The following SLC25A17 variants were observed in gnomAD, a reference collection of about 807,000 sequenced individuals.
SLC25A17 encodes the protein peroxisomal membrane protein PMP34.
A neutral mutation model predicts 38.5 loss-of-function variants in SLC25A17; 26 were observed. The observed-to-expected ratio is 0.68, with a 90% CI of 0.50 to 0.94. The LOEUF (loss-of-function observed/expected upper bound fraction) is 0.94, where lower values mean the gene tolerates loss of function less well. Ranked by LOEUF, SLC25A17 falls within the 40% of genes least tolerant of loss-of-function variation. SLC25A17 has a pLI of 0.00. For missense variants in SLC25A17, 333 were observed against 372.7 expected, an observed-to-expected ratio of 0.89 and a Z score of 0.88; for synonymous variants, 139 against 136.2, an observed-to-expected ratio of 1.02 and a Z score of -0.14.
Position 40,819,188 on chromosome 22 carries a change from G to A in SLC25A17, c.54+7C>T. ...GTTGCGGCCCGGGCGTAAAGACCCC[G>A]TCTCACCACGGCTCCGGCCACGGCG... On this transcript the variant is annotated splice_region_variant and intron_variant, in intron 1 of 8. Transcript: ENST00000435456. The A allele has an allele frequency of 6.2e-7, 1 of 1,613,414 alleles. No homozygotes were observed. The highest frequency in any genetic ancestry group is 8.5e-7 in the Non-Finnish European group (1 of 1,179,964).
intron 1 of SLC25A17, among the ~76,000 whole-genome samples, chr22:40,807,138 A>C (rs1035562325): frequency 6.6e-6 from 1 of 152,202 alleles, no homozygotes; most frequent in African/African-American, 2.4e-5. Context: ...TTATCTATTC[A>C]AAATGTTTTG....
chr22:40,779,266 T>G, intron 4 of SLC25A17, 141 bp from the exon 5 acceptor site: 2 of 1,518,956 alleles, frequency 1.3e-6, no homozygotes, highest in Non-Finnish European at 1.8e-6. Flanking sequence ...TGTCTCTTTG[T>G]GCCAGGGTAC....
chr22:40,803,404 G>A (rs1348737300), intron 1 of SLC25A17, among the ~76,000 whole-genome samples: 1 of 152,116 alleles, frequency 6.6e-6, no homozygotes, highest in African/African-American at 2.4e-5. Context: ...AAGATCATGT[G>A]ATGTTTGTTC....
rs1419746046 is a variant in SLC25A17 at position 40,789,752 on chromosome 22, C to A, written c.334+2773G>T. Among the ~76,000 whole-genome samples the A allele has an allele frequency of 6.6e-6, 1 of 151,944 alleles. No homozygotes were observed. The highest frequency in any genetic ancestry group is 1.5e-5 in the Non-Finnish European group (1 of 68,014). On this transcript the variant is annotated intron_variant, in intron 4 of 8. Coordinates refer to ENST00000435456, the MANE Select transcript of SLC25A17 (RefSeq NM_006358.4). This position sits in a 1 kb window ranked among gnomAD's most constrained non-coding sequence, Gnocchi z 4.5. ...CGAACTCCTGACCTCAGGTGATACA[C>A]CCGCCTCAGCCTCTCAAAGTGCTGG...
chr22:40,814,793 T>TATA (rs1568991030), intron 1 of SLC25A17, among the ~76,000 whole-genome samples: 2 of 134,438 alleles, frequency 1.5e-5, no homozygotes, highest in African/African-American at 5.7e-5. Context: ...ATATATATTG[T>TATA]TGTTGTTGTT....
At chr22:40,798,844 G>A (rs1402481244) in intron 2 of SLC25A17, among the ~76,000 whole-genome samples, 179 bp downstream of exon 2, 3 of 151,356 alleles carry the variant, frequency 2.0e-5, no homozygotes, top group Admixed American at 6.6e-5. Context: ...TTGGGAGGCG[G>A]AGGCAGGAGA....
chr22:40,795,792 T>C (rs1682809243), intron 2 of SLC25A17, among the ~76,000 whole-genome samples: 1 of 151,512 alleles, frequency 6.6e-6, no homozygotes, highest in Admixed American at 6.6e-5. Context: ...AAGTTTCTTT[T>C]TTCTTTTTTT....
At chr22:40,812,998 C>T (rs1159937441) in intron 1 of SLC25A17, among the ~76,000 whole-genome samples, 1 of 152,176 alleles carries the variant, frequency 6.6e-6, no homozygotes, top group Non-Finnish European at 1.5e-5. Flanking sequence ...TTCACCTCAT[C>T]AGAGTTAATG....
At chr22:40,771,046 T>G in intron 8 of SLC25A17, 65 bp from the exon 9 acceptor site, 1 of 1,354,524 alleles carries the variant, frequency 7.4e-7, no homozygotes, top group Admixed American at 2.3e-5. Flanking sequence ...GCTACCTAGA[T>G]AGCTACTTTG....
At chr22:40,788,551 C>T (rs2057357924) in intron 4 of SLC25A17, among the ~76,000 whole-genome samples, 2 of 152,028 alleles carry the variant, frequency 1.3e-5, no homozygotes. Flanking sequence ...ATTAGCCAGG[C>T]GTGGTGGTGT....
intron 8 of SLC25A17, among the ~76,000 whole-genome samples, chr22:40,773,358 G>A (rs529451949): frequency 4.0e-5 from 6 of 149,442 alleles, no homozygotes; most frequent in South Asian, 2.1e-4. Flanking sequence ...TGCCGTGAGC[G>A]GAGATAGCGC....
intron 4 of SLC25A17, among the ~76,000 whole-genome samples, chr22:40,782,074 G>T (rs1193501575): frequency 6.6e-6 from 1 of 152,112 alleles, no homozygotes. Flanking sequence ...ACAAAAATTA[G>T]CCAGGCACGG....
In SLC25A17 at chr22:40,770,941, T is replaced by G; in HGVS notation, c.817A>C (p.Lys273Gln). The change falls in exon 9 of 9, where the codon AAA (lysine) becomes CAA (glutamine). Residue 273 changes from lysine to glutamine, a missense_variant. Coordinates refer to ENST00000435456, the MANE Select transcript of SLC25A17 (RefSeq NM_006358.4). The stretch of plus-strand genomic sequence containing the variant: ...GCAGTGAGGACTGTCTGCAGCAGTT[T>G]GGCTTCAAGGCCTTTGTAGAGTCCC... ...IMGLYKGLEA[K>Q]LLQTVLTAAL... 1 of 1,611,802 alleles carries G rather than the reference T, an allele frequency of 6.2e-7. No individual in the cohort carries two copies. The highest frequency in any genetic ancestry group is 1.1e-5 in the South Asian group (1 of 90,848).
chr22:40,770,966 C>T lies in SLC25A17; in HGVS notation c.792G>A (p.Met264Ile). The T allele has an allele frequency of 1.3e-6, 2 of 1,594,460 alleles. No individual in the cohort carries two copies. The highest frequency in any genetic ancestry group is 3.5e-5 in the Admixed American group (2 of 57,692). ...TGGCTTCAAGGCCTTTGTAGAGTCC[C>T]ATTATTCCAAAACGTCTAAAGGGAA... ...LHQRVRRFGI[M>I]GLYKGLEAKL... The change falls in exon 9 of 9, where the codon ATG (methionine) becomes ATA (isoleucine). Residue 264 changes from methionine to isoleucine, a missense_variant. Met to Ile is a conservative substitution (Grantham distance 10, BLOSUM62 1). Transcript: ENST00000435456.
At chr22:40,784,832 G>T (rs967174935) in intron 4 of SLC25A17, among the ~76,000 whole-genome samples, 8 of 151,316 alleles carry the variant, frequency 5.3e-5, no homozygotes, top group Non-Finnish European at 7.4e-5. Flanking sequence ...AACCTTGAAG[G>T]TTTCTCAGTA....
intron 1 of SLC25A17, among the ~76,000 whole-genome samples, chr22:40,802,408 G>A (rs2057491787): frequency 6.6e-6 from 1 of 152,192 alleles, no homozygotes; most frequent in African/African-American, 2.4e-5. Flanking sequence ...ACTTTGGGAA[G>A]CCGAGGCAGA....
intron 3 of SLC25A17, among the ~76,000 whole-genome samples, chr22:40,793,103 G>A (rs564571593): frequency 2.3e-4 from 35 of 151,540 alleles, no homozygotes; most frequent in African/African-American, 8.2e-4. Flanking sequence ...GCTCACAGGA[G>A]CTCCTACAGG....
At chr22:40,802,147 A>T (rs1041191893) in intron 1 of SLC25A17, among the ~76,000 whole-genome samples, 2 of 152,142 alleles carry the variant, frequency 1.3e-5, no homozygotes, top group African/African-American at 4.8e-5. Flanking sequence ...AGACAGAAAA[A>T]GTCTAGCCTG....
intron 1 of SLC25A17, among the ~76,000 whole-genome samples, chr22:40,816,171 C>T (rs1000345503): frequency 1.6e-4 from 24 of 147,784 alleles, no homozygotes; most frequent in African/African-American, 4.5e-4. Context: ...GCACTCCAGC[C>T]TGGGCAACAA....
Sources: allele counts gnomAD v4.1 joint callset (sites outside exome capture counted in the v4.1 genomes callset), GRCh38; gene constraint gnomAD v4.1.1; non-coding constraint Gnocchi (gnomAD v3.1); transcripts MANE v1.5; gene names NCBI Gene and HGNC (gene_info 2026-07-23, HGNC 2026-07-21).